Variants in KIF9 observed in about 807,000 individuals in gnomAD.
The protein encoded by KIF9 is kinesin-like protein KIF9.
Under a neutral mutation model 94.8 loss-of-function variants are expected in KIF9, and 68 were observed. The observed-to-expected ratio is 0.72, with a 90% CI of 0.59 to 0.88. KIF9 has a LOEUF of 0.88. Ranked by LOEUF, KIF9 falls within the 40% of genes least tolerant of loss-of-function variation. The pLI, the probability that KIF9 is intolerant of heterozygous loss-of-function variation, is 0.00. For synonymous variants in KIF9, 343 were observed against 362.1 expected (o/e 0.95, Z 0.60); for missense variants, 882 against 982.5 (o/e 0.90, Z 1.37).
chr3:47,234,048 A>G (rs1457092320), intron 20 of KIF9, among the ~76,000 whole-genome samples: 1 of 151,858 alleles, frequency 6.6e-6, no homozygotes, highest in Non-Finnish European at 1.5e-5. Flanking sequence ...ACGCCATTGC[A>G]CTCCAGCCTG....
chr3:47,243,309 G>A (rs1699707233), intron 15 of KIF9, 64 bp from the exon 16 acceptor site: 2 of 1,398,626 alleles, frequency 1.4e-6, no homozygotes, highest in African/African-American at 1.4e-5. Flanking sequence ...ATGCCAGGAT[G>A]AGTGACCTTT....
intron 5 of KIF9, among the ~76,000 whole-genome samples, chr3:47,270,318 A>C (rs2107476884): frequency 6.7e-6 from 1 of 149,776 alleles, no homozygotes; most frequent in East Asian, 2.0e-4. Flanking sequence ...CAATGGTACG[A>C]TCTTGGCTCA....
intron 10 of KIF9, among the ~76,000 whole-genome samples, chr3:47,253,171 G>C (rs988991501): frequency 1.3e-5 from 2 of 152,054 alleles, no homozygotes; most frequent in African/African-American, 4.8e-5. Flanking sequence ...GTTGTTGTTT[G>C]TTTAGACAGA....
chr3:47,275,422 C>T lies in KIF9; in HGVS notation c.162G>A (p.Ser54=), dbSNP rs374127611. The T allele has an allele frequency of 1.5e-5, 25 of 1,613,188 alleles. No individual in the cohort carries two copies. In the East Asian group the frequency reaches 3.1e-4, roughly 20 times the overall value. Reference sequence around the variant, plus strand: ...CGTGAAGAACTCCATCCAACTTAAACGACCAGTCTGTCTGTTGGTTATTGA... The same window carrying T: ...CGTGAAGAACTCCATCCAACTTAAATGACCAGTCTGTCTGTTGGTTATTGA... ...GVVNNQQTDW[S]FKLDGVLHDA... The change falls in exon 3 of 21, where the codon TCG becomes TCA. Residue 54 remains serine, a synonymous_variant. Coordinates refer to ENST00000684063, the MANE Select transcript of KIF9 (RefSeq NM_182902.4).
At position 47,228,459 on chromosome 3, in the gene KIF9, A is replaced by G. The variant is rs1698315753; in HGVS notation, c.*193T>C. 1.4e-5 allele frequency: 9 copies of G among 644,958 alleles called. No individual in the cohort carries two copies. In the South Asian group the frequency reaches 1.6e-4, roughly 12 times the overall value. The allele number at this position is 644,958 out of a possible 1,614,324, so 40.0% of individuals were successfully genotyped here. The stretch of plus-strand genomic sequence containing the variant: ...CATATAAGACAGTGAATTAAAACCC[A>G]AAGTGCTCTGTGGAGATGAGCAAGG... On this transcript the variant is annotated 3_prime_UTR_variant, in exon 21 of 21. Coordinates refer to ENST00000684063, the MANE Select transcript of KIF9 (RefSeq NM_182902.4).
At chr3:47,282,198 C>T (rs1401132147) in intron 1 of KIF9, 4 of 985,362 alleles carry the variant, frequency 4.1e-6, no homozygotes, top group Non-Finnish European at 4.8e-6. Flanking sequence ...CGAAAACTGA[C>T]TAGTACGGAA....
At chr3:47,254,743 T>G (rs1366249861) in intron 10 of KIF9, among the ~76,000 whole-genome samples, 1 of 152,018 alleles carries the variant, frequency 6.6e-6, no homozygotes, top group Non-Finnish European at 1.5e-5. Context: ...GGTTCTCAAG[T>G]GTGACCTCAA....
At chr3:47,279,777 C>T (rs1382754427) in intron 1 of KIF9, among the ~76,000 whole-genome samples, 2 of 151,842 alleles carry the variant, frequency 1.3e-5, no homozygotes, top group Non-Finnish European at 2.9e-5. Context: ...CCACCAAGCC[C>T]CGCTAATTTT....
rs75653157 is a variant in KIF9, at chr3:47,247,423, T to C, written c.1183A>G (p.Ile395Val). 1,910 of 1,613,896 alleles carry C rather than the reference T, an allele frequency of 1.2e-3. 14 individuals are homozygous for C. The African/African-American group carries it at 0.014, about 12-fold the overall frequency. ...AGGTACCTCCGCACCTGGGAGTTGATCTCAGCAATCTGGATTTCATCCATG... is the reference window on the plus strand; with the variant it reads ...AGGTACCTCCGCACCTGGGAGTTGACCTCAGCAATCTGGATTTCATCCATG... ...DPMDEIQIAE[I>V]NSQVRRYLEG... The change falls in exon 12 of 21, where the codon ATC becomes GTC. Residue 395 changes from isoleucine (I) to valine (V), a missense_variant. By Grantham distance (29) the Ile-to-Val change is conservative. Coordinates refer to ENST00000684063, the MANE Select transcript of KIF9 (RefSeq NM_182902.4).
intron 17 of KIF9, among the ~76,000 whole-genome samples, chr3:47,239,201 G>A (rs1295715739): frequency 6.6e-6 from 1 of 151,598 alleles, no homozygotes; most frequent in Non-Finnish European, 1.5e-5. Context: ...ACTCCATCTC[G>A]AAAAAGAAAA....
At position 47,248,005 on chromosome 3, in the gene KIF9, T is replaced by A; in HGVS notation, c.1128+13A>T. The A allele has an allele frequency of 6.2e-7, 1 of 1,606,796 alleles. No individual in the cohort carries two copies. The highest frequency in any genetic ancestry group is 8.5e-7 in the Non-Finnish European group (1 of 1,173,688). On this transcript the variant is annotated intron_variant, in intron 11 of 20. Transcript: ENST00000684063. ...AGCACCTCTGCCCTCCTTCTTTGCC[T>A]CTAGCCTCTTACCAGGCTGTCATGG...
chr3:47,250,946 A>G (rs1027060234), intron 10 of KIF9, among the ~76,000 whole-genome samples: 9 of 152,188 alleles, frequency 5.9e-5, no homozygotes, highest in Non-Finnish European at 1.0e-4. Context: ...AGCAAGGGTC[A>G]ACAGAACCCC....
intron 17 of KIF9, chr3:47,240,271 G>C (rs1449860178): frequency 1.3e-5 from 3 of 226,712 alleles, no homozygotes; most frequent in Non-Finnish European, 2.7e-5. Flanking sequence ...TAGGAGATAA[G>C]ACTCTGACAG....
chr3:47,259,614 G>A (rs572435218), intron 9 of KIF9, among the ~76,000 whole-genome samples: 30 of 151,318 alleles, frequency 2.0e-4, no homozygotes, highest in Admixed American at 1.7e-3. Context: ...ATTTTGTTAT[G>A]TACTAAGAAA....
rs754863456 is a variant in KIF9, at chr3:47,275,452, T to G, written c.132A>C (p.Gly44=). ...DIHLKKDIRR[G]VVNNQQTDWS... ...AGTCTGTCTGTTGGTTATTGACAACTCCTCTCCGAATGTCTTTTTTTAAGT... is the reference window on the plus strand; with the variant it reads ...AGTCTGTCTGTTGGTTATTGACAACGCCTCTCCGAATGTCTTTTTTTAAGT... The change falls in exon 3 of 21, where the codon GGA becomes GGC. Residue 44 remains glycine, a synonymous_variant. Transcript: ENST00000684063. The G allele has an allele frequency of 6.2e-7, 1 of 1,611,420 alleles. No homozygotes were observed. The highest frequency in any genetic ancestry group is 1.7e-5 in the Admixed American group (1 of 59,294).
rs60741769 is a variant in KIF9 at position 47,250,108 on chromosome 3, A to ATT, written c.1060-2024_1060-2023dup. Among the ~76,000 whole-genome samples the ATT allele has an allele frequency of 9.2e-5, 14 of 151,786 alleles. No homozygotes were observed. In the South Asian group the frequency reaches 1.5e-3, roughly 16 times the overall value. On this transcript the variant is annotated intron_variant, in intron 10 of 20. Transcript: ENST00000684063. Reference sequence around the variant, plus strand: ...CTGCAACATGCTTTAAAAATCTCTAATTTTTTTTCATAGCACATTTTGCCT... The same window carrying ATT: ...CTGCAACATGCTTTAAAAATCTCTAATTTTTTTTTTCATAGCACATTTTGCCT...
chr3:47,245,989 C>T, intron 13 of KIF9: 1 of 558,980 alleles, frequency 1.8e-6, no homozygotes, highest in African/African-American at 1.9e-5. Context: ...GCTCTGGGCA[C>T]TCTCAGAGCT....
intron 10 of KIF9, among the ~76,000 whole-genome samples, chr3:47,252,283 A>G (rs368506184): frequency 6.6e-6 from 1 of 152,188 alleles, no homozygotes; most frequent in Non-Finnish European, 1.5e-5. Context: ...ATCTTAGAAC[A>G]CAAATTACAT....
chr3:47,254,601 A>G (rs1395668531), intron 10 of KIF9, among the ~76,000 whole-genome samples: 1 of 152,148 alleles, frequency 6.6e-6, no homozygotes, highest in Admixed American at 6.5e-5. Flanking sequence ...ACATAGGGAG[A>G]TTGTCTCACA....
Sources: gnomAD v4.1 joint callset for allele counts (sites outside exome capture counted in the v4.1 genomes callset) on GRCh38, gnomAD v4.1.1 for gene constraint, MANE v1.5 for transcripts, NCBI Gene and HGNC (gene_info 2026-07-23, HGNC 2026-07-21) for gene names.